Variants in PADI4 observed in about 807,000 individuals in gnomAD.
PADI4 encodes the protein protein-arginine deiminase type-4.
In PADI4, 62 loss-of-function variants were observed where a neutral mutation model predicts 75.0. That is an observed-to-expected ratio of 0.83 (90% confidence interval 0.67 to 1.02). The LOEUF is 1.02. Among genes scored for constraint, PADI4 ranks in the 50% least tolerant of loss-of-function variants. PADI4 has a pLI of 0.00. For synonymous variants in PADI4, 361 were observed against 348.1 expected (o/e 1.04, Z -0.41); for missense variants, 845 against 850.5 (o/e 0.99, Z 0.08).
intron 1 of PADI4, among the ~76,000 whole-genome samples, chr1:17,315,572 C>T (rs2073918340): frequency 6.6e-6 from 1 of 150,648 alleles, no homozygotes; most frequent in African/African-American, 2.5e-5. Context: ...CCATCCCTTA[C>T]AGCGCAGGAG....
chr1:17,313,892 T>C (rs1372297811), intron 1 of PADI4, among the ~76,000 whole-genome samples: 1 of 152,208 alleles, frequency 6.6e-6, no homozygotes, highest in East Asian at 1.9e-4. Context: ...TGCACACACC[T>C]GGTGTGAACC....
chr1:17,324,251 C>T (rs1242649997), intron 1 of PADI4, among the ~76,000 whole-genome samples: 1 of 150,648 alleles, frequency 6.6e-6, no homozygotes, highest in Non-Finnish European at 1.5e-5. Flanking sequence ...TATTTTTCAC[C>T]AATTGAGTGG....
At chr1:17,359,555 C>A (rs1635563) in intron 15 of PADI4, 147 bp downstream of exon 15, 33,960 of 1,026,324 alleles carry the variant, frequency 0.033, 720 homozygotes, top group Non-Finnish European at 0.039. Context: ...CAAGGTCAGA[C>A]GTGACCAGGT....
chr1:17,317,565 G>A (rs2073962791), intron 1 of PADI4, among the ~76,000 whole-genome samples: 1 of 152,034 alleles, frequency 6.6e-6, no homozygotes, highest in African/African-American at 2.4e-5. Flanking sequence ...CACCATGCCT[G>A]GCCATCATAA....
chr1:17,316,564 C>T (rs1055476775), intron 1 of PADI4, among the ~76,000 whole-genome samples: 7 of 148,754 alleles, frequency 4.7e-5, no homozygotes, highest in South Asian at 2.1e-4. Flanking sequence ...GTGGCGGGCG[C>T]CTGTAGTCCC....
rs1051942056 is a variant in PADI4, at chr1:17,315,130, C to T, written c.92+6816C>T. 7.2e-5 allele frequency among the ~76,000 whole-genome samples: 11 copies of T among 152,294 alleles called. No homozygotes were observed. In the East Asian group the frequency reaches 1.5e-3, roughly 21 times the overall value. On this transcript the variant is annotated intron_variant, in intron 1 of 15. Coordinates refer to ENST00000375448, the MANE Select transcript of PADI4 (RefSeq NM_012387.3). Reference sequence around the variant, plus strand: ...CTTGAGTTTAGCAGATGTAGAATGACGTCCTTGTCAAGGAGGACTGGGGGG... The same window carrying T: ...CTTGAGTTTAGCAGATGTAGAATGATGTCCTTGTCAAGGAGGACTGGGGGG...
intron 6 of PADI4, among the ~76,000 whole-genome samples, chr1:17,341,636 G>T (rs548044355): frequency 1.4e-4 from 22 of 152,314 alleles, no homozygotes; most frequent in African/African-American, 3.8e-4. Flanking sequence ...CCTGTCCCCC[G>T]CTGACATCTG....
At chr1:17,349,969 T>A (rs1045875738) in intron 10 of PADI4, among the ~76,000 whole-genome samples, 1 of 123,374 alleles carries the variant, frequency 8.1e-6, no homozygotes, top group African/African-American at 2.6e-5. Flanking sequence ...CTGTTCCCTG[T>A]TCACGGGGCT....
At position 17,342,310 on chromosome 1, in the gene PADI4, G is replaced by C. The variant is rs748561329; in HGVS notation, c.843G>C (p.Glu281Asp). 2 of 1,612,460 alleles carry C rather than the reference G, an allele frequency of 1.2e-6. No homozygotes were observed. The highest frequency in any genetic ancestry group is 1.7e-5 in the Admixed American group (1 of 60,014). ...LLDTSNLELP[E>D]AVVFQDSVVF... ...CCCCTCCCCTGCAGGAGCTCCCCGA[G>C]GCTGTGGTGTTCCAAGACAGCGTGG... The change falls in exon 8 of 16, where the codon GAG becomes GAC. Residue 281 changes from glutamate to aspartate, a missense_variant. Coordinates refer to ENST00000375448, the MANE Select transcript of PADI4 (RefSeq NM_012387.3).
chr1:17,348,697 G>A (rs1055918646), intron 10 of PADI4: 2 of 152,196 alleles, frequency 1.3e-5, no homozygotes, highest in African/African-American at 4.8e-5. Flanking sequence ...AACTGTTATG[G>A]AGATTCTATC....
Position 17,356,343 on chromosome 1 carries a change from G to A in PADI4, c.1456-14G>A. On this transcript the variant is annotated splice_polypyrimidine_tract_variant and intron_variant, in intron 12 of 15. Transcript: ENST00000375448. This position sits in a 1 kb window ranked among gnomAD's most constrained non-coding sequence, Gnocchi z 4.1. ...GGCAAAGCTGACTTCTAACCCCAGT[G>A]TTTCTGCCTCCAGGGCTTCCGGCTG... 6.3e-7 allele frequency: 1 copy of A among 1,576,592 alleles called. No homozygotes were observed. The highest frequency in any genetic ancestry group is 8.7e-7 in the Non-Finnish European group (1 of 1,155,356).
chr1:17,348,209 A>AT lies in PADI4; in HGVS notation c.1155+168dup, dbSNP rs1206226598. On this transcript the variant is annotated intron_variant, in intron 10 of 15. Coordinates refer to ENST00000375448, the MANE Select transcript of PADI4 (RefSeq NM_012387.3). The stretch of plus-strand genomic sequence containing the variant: ...TGGGAGCATGTAGGTGGGGCTTGTT[A>AT]TTTTTTTATTACCAAGATAAGATCT... 51 of 515,238 alleles carry AT rather than the reference A, an allele frequency of 9.9e-5. No individual in the cohort carries two copies. The Admixed American group carries it at 1.3e-3, about 13-fold the overall frequency. 31.9% of individuals were successfully genotyped at this position (515,238 alleles called of 1,614,324 possible). A position where few individuals can be genotyped will look rare whatever the true frequency, so the allele number is the denominator to read the frequency against.
chr1:17,336,217 G>GA lies in PADI4; in HGVS notation c.402dup (p.Asp135ArgfsTer21). On this transcript the variant is annotated frameshift_variant, in exon 4 of 16. Transcript: ENST00000375448. LOFTEE classifies it high-confidence loss of function. ...GCAAAGTGAAGCCAACCAGAGCTGT[G>GA]AAAGATCAGGTACCACTCACCCAAA... 6.2e-7 allele frequency: 1 copy of GA among 1,613,158 alleles called. No individual in the cohort carries two copies. Among genetic ancestry groups the GA allele is most frequent in the Non-Finnish European group, 8.5e-7 (1 of 1,179,070 alleles).
intron 1 of PADI4, among the ~76,000 whole-genome samples, chr1:17,311,028 C>T (rs754104824): frequency 4.0e-5 from 6 of 151,012 alleles, no homozygotes; most frequent in African/African-American, 7.3e-5. Flanking sequence ...ACCCAGGAGG[C>T]GGACGCTGCA....
chr1:17,333,901 T>C, intron 2 of PADI4, 42 bp from the exon 3 acceptor site: 5 of 1,476,478 alleles, frequency 3.4e-6, no homozygotes, highest in Non-Finnish European at 3.8e-6. Context: ...GGGTGTTTGT[T>C]GAATGACTAA....
chr1:17,324,942 T>C (rs1163376079), intron 1 of PADI4, among the ~76,000 whole-genome samples: 2 of 152,274 alleles, frequency 1.3e-5, no homozygotes, highest in Non-Finnish European at 2.9e-5. Context: ...GATCAAGTTG[T>C]ATGTCCTTTA....
intron 1 of PADI4, among the ~76,000 whole-genome samples, chr1:17,320,823 C>A (rs1470424377): frequency 6.6e-6 from 1 of 152,158 alleles, no homozygotes; most frequent in Non-Finnish European, 1.5e-5. Flanking sequence ...GCCTAACTTA[C>A]TGGGAATGCA....
intron 10 of PADI4, among the ~76,000 whole-genome samples, chr1:17,351,976 T>TAGGAGAGGCGGTCAGGGAGGA (rs2074642175): frequency 1.7e-5 from 1 of 58,878 alleles, no homozygotes. Context: ...GCCAGGGAGG[T>TAGGAGAGGCGGTCAGGGAGGA]GATGGGAGGA....
At chr1:17,353,062 A>G (rs2074694311) in intron 10 of PADI4, among the ~76,000 whole-genome samples, 2 of 152,160 alleles carry the variant, frequency 1.3e-5, no homozygotes, top group African/African-American at 4.8e-5. Context: ...GGATATGGCC[A>G]TGTGTTCATG....
Sources: gnomAD v4.1 joint callset for allele counts (sites outside exome capture counted in the v4.1 genomes callset) on GRCh38, gnomAD v4.1.1 for gene constraint, Gnocchi (gnomAD v3.1) non-coding constraint, MANE v1.5 for transcripts, NCBI Gene and HGNC (gene_info 2026-07-23, HGNC 2026-07-21) for gene names.